The following CAMK1D variants were observed in gnomAD, a reference collection of about 807,000 sequenced individuals.
CAMK1D encodes calcium/calmodulin dependent protein kinase ID.
A neutral mutation model predicts 47.7 loss-of-function variants in CAMK1D; 9 were observed. That is an observed-to-expected ratio of 0.19 (90% confidence interval 0.11 to 0.33). CAMK1D has a LOEUF of 0.33. CAMK1D is among the 10% of genes least tolerant of loss of function. The pLI is 1.00. For missense variants in CAMK1D, 291 were observed against 488.7 expected, an observed-to-expected ratio of 0.60 and a Z score of 3.81; for synonymous variants, 184 against 184.9, an observed-to-expected ratio of 0.99 and a Z score of 0.04.
chr10:12,612,408 C>T (rs1448999674), intron 2 of CAMK1D, among the ~76,000 whole-genome samples: 2 of 145,644 alleles, frequency 1.4e-5, no homozygotes, highest in African/African-American at 2.6e-5. Context: ...GTGGCACGAT[C>T]ATAACTCACT....
chr10:12,398,776 C>T (rs901762506), intron 1 of CAMK1D, among the ~76,000 whole-genome samples: 18 of 150,160 alleles, frequency 1.2e-4, no homozygotes, highest in Middle Eastern at 3.4e-3. Flanking sequence ...AATAAAAATC[C>T]ATAGAGTTTT....
At chr10:12,681,756 G>A (rs1832448315) in intron 3 of CAMK1D, among the ~76,000 whole-genome samples, 1 of 152,174 alleles carries the variant, frequency 6.6e-6, no homozygotes, top group Admixed American at 6.5e-5. Context: ...TGGTATGTTG[G>A]TTAAAAAACA....
intron 1 of CAMK1D, among the ~76,000 whole-genome samples, chr10:12,448,175 T>G (rs1832977213): frequency 6.6e-6 from 1 of 151,928 alleles, no homozygotes; most frequent in Middle Eastern, 3.4e-3. Flanking sequence ...CTTTTACTTT[T>G]TGTATTTTTA....
At chr10:12,377,158 G>A (rs1381104436) in intron 1 of CAMK1D, among the ~76,000 whole-genome samples, 3 of 152,022 alleles carry the variant, frequency 2.0e-5, no homozygotes, top group Non-Finnish European at 4.4e-5. Context: ...AGAACCCTGA[G>A]ATTTTGAATC....
chr10:12,628,022 A>G (rs902349313), intron 2 of CAMK1D, among the ~76,000 whole-genome samples: 3 of 151,594 alleles, frequency 2.0e-5, no homozygotes, highest in African/African-American at 7.3e-5. Context: ...CAGAGGTTGC[A>G]GTGAACCAAG....
Position 12,791,181 on chromosome 10 carries a change from C to A in CAMK1D, c.589C>A (p.Pro197Thr). ...YVAPEVLAQK[P>T]YSKAVDCWSI... ...AGCTCCTGAAGTCCTCGCCCAGAAA[C>A]CTTACAGCAAAGCCGTTGACTGCTG... Residue 197 changes from proline to threonine, a missense_variant, in exon 6 of 11, where the codon CCT becomes ACT. Pro to Thr is a conservative substitution (Grantham distance 38, BLOSUM62 -1). This residue lies in a region of CAMK1D where 219 missense variants were observed against 424.3 expected (regional missense o/e 0.52). Coordinates refer to ENST00000619168, the MANE Select transcript of CAMK1D (RefSeq NM_153498.4). The A allele has an allele frequency of 6.2e-7, 1 of 1,614,154 alleles. No individual in the cohort carries two copies. Among genetic ancestry groups the A allele is most frequent in the Non-Finnish European group, 8.5e-7 (1 of 1,180,004 alleles).
At chr10:12,514,684 G>A (rs1261206393) in intron 1 of CAMK1D, among the ~76,000 whole-genome samples, 2 of 152,202 alleles carry the variant, frequency 1.3e-5, no homozygotes, top group Admixed American at 6.5e-5. Flanking sequence ...TACAGAGTAC[G>A]AAGCTAGCAT....
At chr10:12,811,492 T>G (rs184486829) in intron 6 of CAMK1D, among the ~76,000 whole-genome samples, 1 of 152,248 alleles carries the variant, frequency 6.6e-6, no homozygotes, top group Non-Finnish European at 1.5e-5. Flanking sequence ...TTTTTCTTAA[T>G]TTTGACTTAC....
At chr10:12,403,380 G>A (rs1839298464) in intron 1 of CAMK1D, among the ~76,000 whole-genome samples, 1 of 152,182 alleles carries the variant, frequency 6.6e-6, no homozygotes, top group African/African-American at 2.4e-5. Flanking sequence ...GTGAGTCCTC[G>A]CTCCGTGCCC....
intron 1 of CAMK1D, among the ~76,000 whole-genome samples, chr10:12,354,274 G>A (rs1564289500): frequency 6.6e-6 from 1 of 152,118 alleles, no homozygotes; most frequent in Non-Finnish European, 1.5e-5. Flanking sequence ...TTGAGACTGG[G>A]TTTTAGGTCT....
intron 1 of CAMK1D, among the ~76,000 whole-genome samples, chr10:12,444,231 A>AC (rs1832867012): frequency 6.6e-6 from 1 of 151,846 alleles, no homozygotes; most frequent in South Asian, 2.1e-4. Flanking sequence ...GAATGCCTTA[A>AC]CCATCTGGGA....
At chr10:12,790,751 G>A (rs1427215052) in intron 5 of CAMK1D, among the ~76,000 whole-genome samples, 1 of 152,042 alleles carries the variant, frequency 6.6e-6, no homozygotes, top group African/African-American at 2.4e-5. Context: ...AGCATTTTGG[G>A]AGGCTGATGG....
In CAMK1D at chr10:12,661,332, T is replaced by C. The variant is rs535097410; in HGVS notation, c.225-5404T>C. Among the ~76,000 whole-genome samples, 287 of 152,356 alleles carry C rather than the reference T, an allele frequency of 1.9e-3. 1 individual carries two copies. Among genetic ancestry groups the C allele is most frequent in the Non-Finnish European group, 2.9e-3 (195 of 68,042 alleles). On this transcript the variant is annotated intron_variant, in intron 2 of 10. Transcript: ENST00000619168. ...CTCATAACTTAGTTAAGTTATAGCG[T>C]AATTGCTTTAACATGGGCTAGGGAG...
intron 1 of CAMK1D, among the ~76,000 whole-genome samples, chr10:12,421,511 CTTTTTTTT>C (rs71384322): frequency 3.9e-5 from 2 of 50,730 alleles, no homozygotes; most frequent in Non-Finnish European, 6.5e-5. Flanking sequence ...ATCCAGGATT[CTTTTTTTT>C]TTTTTTTTTT....
intron 3 of CAMK1D, among the ~76,000 whole-genome samples, chr10:12,713,497 G>A (rs553255020): frequency 3.9e-5 from 6 of 152,260 alleles, no homozygotes; most frequent in East Asian, 3.9e-4. Flanking sequence ...TCTCTCTGTC[G>A]GCACGGTACA....
intron 3 of CAMK1D, among the ~76,000 whole-genome samples, chr10:12,735,783 CT>C (rs11373540): frequency 3.4e-5 from 5 of 147,560 alleles, no homozygotes; most frequent in Non-Finnish European, 3.0e-5. Context: ...CAGTCAGCAT[CT>C]TTTTTTTTTT....
chr10:12,541,014 G>A (rs1836152474), intron 1 of CAMK1D, among the ~76,000 whole-genome samples: 1 of 151,984 alleles, frequency 6.6e-6, no homozygotes, highest in Non-Finnish European at 1.5e-5. Context: ...TAATTGTCAG[G>A]TGGAGGGCTT....
Position 12,833,983 on chromosome 10 carries a change from C to G in CAMK1D, c.*5096C>G, listed in dbSNP as rs952711946. The G allele has an allele frequency of 1.3e-5, 2 of 151,454 alleles. No homozygotes were observed. Among genetic ancestry groups the G allele is most frequent in the African/African-American group, 4.9e-5 (2 of 41,154 alleles). The allele number at this position is 151,454 out of a possible 1,614,324, so 9.4% of individuals were successfully genotyped here. ...GATCCACCACCCTTTTGAGGGGCAC[C>G]TGGTCCTCGGTTGGGGCTGCAGGTG... is the stretch of plus-strand genomic sequence containing the variant. On this transcript the variant is annotated 3_prime_UTR_variant, in exon 11 of 11. Transcript: ENST00000619168.
chr10:12,501,097 C>T (rs1021870618), intron 1 of CAMK1D, among the ~76,000 whole-genome samples: 28 of 152,218 alleles, frequency 1.8e-4, no homozygotes, highest in Non-Finnish European at 4.1e-4. Flanking sequence ...CTCCACCTCG[C>T]CCTCAACTCA....
Sources: gnomAD v4.1 joint callset for allele counts (sites outside exome capture counted in the v4.1 genomes callset) on GRCh38, gnomAD v4.1.1 for gene constraint, gnomAD v4.1.1 regional missense constraint, MANE v1.5 for transcripts, NCBI Gene and HGNC (gene_info 2026-07-23, HGNC 2026-07-21) for gene names.